The following LATS1 variants were observed in gnomAD, a reference collection of about 807,000 sequenced individuals.
LATS1 encodes the protein serine/threonine-protein kinase LATS1.
Under a neutral mutation model 106.6 loss-of-function variants are expected in LATS1, and 25 were observed. The ratio of observed to expected loss-of-function variants is 0.23; its 90% CI spans 0.17 to 0.33. The LOEUF is 0.33. Among genes scored for constraint, LATS1 ranks in the 10% least tolerant of loss-of-function variants. The probability of loss-of-function intolerance (pLI) is 1.00; values close to 1 mark genes in which losing one functional copy is unlikely to be tolerated. For synonymous variants in LATS1, 465 were observed against 455.6 expected (o/e 1.02, Z -0.26); for missense variants, 1,040 against 1,382.6 (o/e 0.75, Z 3.93).
rs536442674 is a variant in LATS1 at position 149,675,231 on chromosome 6, A to G, written c.2883+1029T>C. Among the ~76,000 whole-genome samples, 905 of 151,590 alleles carry G rather than the reference A, an allele frequency of 6.0e-3. 2 individuals are homozygous for G. The highest frequency in any genetic ancestry group is 8.7e-3 in the South Asian group (42 of 4,804). On this transcript the variant is annotated intron_variant, in intron 7 of 7. Coordinates refer to ENST00000543571, the MANE Select transcript of LATS1 (RefSeq NM_004690.4). Reference sequence around the variant, plus strand: ...ACTCTGTATCAAAAAAAAAAAAAAAAAGAGAGAATGACCAAGAGTTAATTA... The same window carrying G: ...ACTCTGTATCAAAAAAAAAAAAAAAGAGAGAGAATGACCAAGAGTTAATTA...
intron 3 of LATS1, among the ~76,000 whole-genome samples, chr6:149,685,516 G>T (rs1782322820): frequency 6.6e-6 from 1 of 152,080 alleles, no homozygotes; most frequent in African/African-American, 2.4e-5. Context: ...CTCCTGAGTA[G>T]CTGGGACTAC....
intron 1 of LATS1, among the ~76,000 whole-genome samples, chr6:149,712,969 C>A (rs575985374): frequency 6.6e-6 from 1 of 151,806 alleles, no homozygotes; most frequent in Non-Finnish European, 1.5e-5. Flanking sequence ...CACTCCAGCC[C>A]GGGCATCAGA....
At chr6:149,708,662 C>G (rs1783921036) in intron 1 of LATS1, among the ~76,000 whole-genome samples, 1 of 152,068 alleles carries the variant, frequency 6.6e-6, no homozygotes, top group African/African-American at 2.4e-5. Context: ...GGTTTTCCTG[C>G]TTTAATGACA....
chr6:149,690,618 C>A (rs1324479129), intron 3 of LATS1, among the ~76,000 whole-genome samples: 1 of 151,856 alleles, frequency 6.6e-6, no homozygotes, highest in Non-Finnish European at 1.5e-5. Flanking sequence ...GCAATCACAG[C>A]TCACTGCAGC....
In LATS1 at chr6:149,664,119, ATTTTTTATTTTAAG is replaced by A. The variant is rs945271252; in HGVS notation, c.2884-1895_2884-1882del. ...GTCACTGTGCCTGGCCAAGTTTAAT[ATTTTTTATTTTAAG>A]GTATATTTAGGATTTTTCAGTTTAA... On this transcript the variant is annotated intron_variant, in intron 7 of 7. Coordinates refer to ENST00000543571, the MANE Select transcript of LATS1 (RefSeq NM_004690.4). Among the ~76,000 whole-genome samples the A allele has an allele frequency of 2.5e-4, 38 of 150,000 alleles. 1 individual carries two copies. Among genetic ancestry groups the A allele is most frequent in the Non-Finnish European group, 4.6e-4 (31 of 67,704 alleles).
intron 5 of LATS1, among the ~76,000 whole-genome samples, chr6:149,678,164 C>CAAAAAAAAAAA (rs56884854): frequency 0.014 from 607 of 43,458 alleles, 150 homozygotes; most frequent in East Asian, 0.028. Context: ...ACTAAAAATC[C>CAAAAAAAAAAA]AAAAAAAAAA....
At chr6:149,711,053 G>T (rs1784057451) in intron 1 of LATS1, among the ~76,000 whole-genome samples, 1 of 152,092 alleles carries the variant, frequency 6.6e-6, no homozygotes, top group Non-Finnish European at 1.5e-5. Flanking sequence ...CCATATTAAA[G>T]ACGTAGCCTT....
At chr6:149,698,886 T>A (rs1007991172) in intron 2 of LATS1, among the ~76,000 whole-genome samples, 2 of 152,184 alleles carry the variant, frequency 1.3e-5, no homozygotes, top group African/African-American at 4.8e-5. Context: ...TAAGAAAATA[T>A]GTCCACATAA....
intron 7 of LATS1, among the ~76,000 whole-genome samples, chr6:149,673,785 T>C (rs1411478596): frequency 1.3e-5 from 2 of 151,324 alleles, no homozygotes. Context: ...GGAGTTCTCC[T>C]GCCTCAGGGC....
chr6:149,713,290 T>C (rs1784206220), intron 1 of LATS1, among the ~76,000 whole-genome samples: 1 of 151,986 alleles, frequency 6.6e-6, no homozygotes, highest in South Asian at 2.1e-4. Flanking sequence ...ACCTCAATTG[T>C]ATTATTTTCT....
intron 1 of LATS1, among the ~76,000 whole-genome samples, chr6:149,703,921 CA>C (rs1339969380): frequency 1.3e-5 from 2 of 152,156 alleles, no homozygotes; most frequent in African/African-American, 2.4e-5. Context: ...AAGTTGACAC[CA>C]GTCCAGATGT....
chr6:149,694,700 T>C (rs1158265589), intron 3 of LATS1, among the ~76,000 whole-genome samples: 1 of 152,184 alleles, frequency 6.6e-6, no homozygotes. Flanking sequence ...ACAGCGATGT[T>C]TGTATTTGCT....
At chr6:149,675,741 G>C (rs1234618415) in intron 7 of LATS1, 1 of 152,436 alleles carries the variant, frequency 6.6e-6, no homozygotes, top group Admixed American at 6.5e-5. Context: ...ATTTTCAGTA[G>C]AGACGGGGTT....
chr6:149,706,764 A>T (rs1450439665), intron 1 of LATS1, among the ~76,000 whole-genome samples: 1 of 152,104 alleles, frequency 6.6e-6, no homozygotes, highest in Non-Finnish European at 1.5e-5. Context: ...CAGAAGCTGG[A>T]AGTGGCAAGG....
chr6:149,711,311 G>A (rs1024071366), intron 1 of LATS1, among the ~76,000 whole-genome samples: 8 of 152,118 alleles, frequency 5.3e-5, no homozygotes, highest in East Asian at 3.9e-4. Flanking sequence ...TTGGGAGGCC[G>A]AGACAGGCGG....
rs748937902 is a variant in LATS1, at chr6:149,684,054, A to G, written c.1035T>C (p.Pro345=). The change falls in exon 4 of 8, where the codon CCT becomes CCC. Residue 345 remains proline, a synonymous_variant. Transcript: ENST00000543571. ...SSKFNFPSGR[P]GMQNGTGQTD... is the part of the protein sequence containing the mutation. ...TTTGTCCAGTACCATTCTGCATTCC[A>G]GGTCTCCCTGATGGAAAGTTAAATT... The G allele has an allele frequency of 4.3e-6, 7 of 1,614,132 alleles. No individual in the cohort carries two copies. In the South Asian group the frequency reaches 5.5e-5, roughly 13 times the overall value.
intron 2 of LATS1, chr6:149,697,261 G>A: frequency 3.1e-6 from 2 of 638,164 alleles, no homozygotes; most frequent in South Asian, 1.5e-5. Context: ...GCCTACCTAA[G>A]GTCATTTCTC....
intron 7 of LATS1, among the ~76,000 whole-genome samples, chr6:149,672,511 T>A (rs954391583): frequency 2.6e-5 from 4 of 151,772 alleles, no homozygotes; most frequent in Non-Finnish European, 5.9e-5. Context: ...GCCCAGCCTA[T>A]GATTTCTTTC....
intron 2 of LATS1, among the ~76,000 whole-genome samples, chr6:149,700,294 T>C (rs1365610954): frequency 6.6e-6 from 1 of 151,976 alleles, no homozygotes; most frequent in African/African-American, 2.4e-5. Flanking sequence ...GCCAACATGG[T>C]GAAACCCCAT....
Sources: gnomAD v4.1 joint callset for allele counts (sites outside exome capture counted in the v4.1 genomes callset) on GRCh38, gnomAD v4.1.1 for gene constraint, MANE v1.5 for transcripts, NCBI Gene and HGNC (gene_info 2026-07-23, HGNC 2026-07-21) for gene names.